MAP2: variants seen among roughly 807,000 people sequenced by gnomAD.
The protein encoded by MAP2 is microtubule associated protein 2.
Under a neutral mutation model 137.6 loss-of-function variants are expected in MAP2, and 14 were observed. The observed-to-expected ratio is 0.10, with a 90% CI of 0.07 to 0.16. The LOEUF is 0.16. Among genes scored for constraint, MAP2 ranks in the 10% least tolerant of loss-of-function variants. The pLI, the probability that MAP2 is intolerant of heterozygous loss-of-function variation, is 1.00. For missense variants in MAP2, 2,088 were observed against 2,191.5 expected, an observed-to-expected ratio of 0.95 and a Z score of 0.94; for synonymous variants, 786 against 782.3, an observed-to-expected ratio of 1.00 and a Z score of -0.08.
chr2:209,590,788 G>T (rs1342143183), intron 3 of MAP2, among the ~76,000 whole-genome samples: 1 of 152,076 alleles, frequency 6.6e-6, no homozygotes, highest in Non-Finnish European at 1.5e-5. Context: ...CTGCTCTGGA[G>T]CATAACCAGA....
At chr2:209,484,434 G>A (rs1226526616) in intron 1 of MAP2, among the ~76,000 whole-genome samples, 1 of 152,166 alleles carries the variant, frequency 6.6e-6, no homozygotes, top group East Asian at 1.9e-4. Context: ...GCTCACGCCC[G>A]TAATCCCAGC....
At chr2:209,660,609 A>T (rs1369587744) in intron 5 of MAP2, among the ~76,000 whole-genome samples, 1 of 147,588 alleles carries the variant, frequency 6.8e-6, no homozygotes, top group Admixed American at 6.8e-5. Flanking sequence ...GTTAGCCAGG[A>T]TGGTCTCTAT....
intron 3 of MAP2, among the ~76,000 whole-genome samples, chr2:209,586,350 G>A (rs1450721707): frequency 6.6e-6 from 1 of 152,098 alleles, no homozygotes; most frequent in Admixed American, 6.6e-5. Flanking sequence ...GGCTTGGCAT[G>A]CAAAATGTAG....
At chr2:209,491,365 C>G (rs1172990996) in intron 1 of MAP2, among the ~76,000 whole-genome samples, 1 of 151,984 alleles carries the variant, frequency 6.6e-6, no homozygotes, top group Non-Finnish European at 1.5e-5. Context: ...AAATTGACAT[C>G]CTAACATCAC....
intron 1 of MAP2, among the ~76,000 whole-genome samples, chr2:209,437,576 G>A (rs1247763470): frequency 6.6e-6 from 1 of 151,542 alleles, no homozygotes; most frequent in Admixed American, 6.6e-5. Flanking sequence ...AATTTTAACT[G>A]TCCTATTAAA....
At chr2:209,588,116 G>C (rs2078238780) in intron 3 of MAP2, among the ~76,000 whole-genome samples, 1 of 152,188 alleles carries the variant, frequency 6.6e-6, no homozygotes, top group African/African-American at 2.4e-5. Context: ...ACATGGGTGT[G>C]TGTATGTGTC....
intron 3 of MAP2, among the ~76,000 whole-genome samples, chr2:209,595,533 T>C (rs2081017276): frequency 6.6e-6 from 1 of 152,196 alleles, no homozygotes; most frequent in Non-Finnish European, 1.5e-5. Flanking sequence ...GTTCAACCAT[T>C]GTGGAAGACA....
intron 3 of MAP2, among the ~76,000 whole-genome samples, chr2:209,586,633 A>C (rs186831125): frequency 5.9e-4 from 90 of 152,286 alleles, no homozygotes; most frequent in African/African-American, 2.0e-3. Context: ...GTAAGAGTAG[A>C]TGCTAAGAGA....
In MAP2 at chr2:209,426,054, G is replaced by A. The variant is rs551121008; in HGVS notation, c.-222+1778G>A. Among the ~76,000 whole-genome samples the A allele has an allele frequency of 6.0e-4, 91 of 152,226 alleles. 1 individual carries two copies. The highest frequency in any genetic ancestry group is 2.1e-3 in the African/African-American group (86 of 41,558). The stretch of plus-strand genomic sequence containing the variant: ...ATTATATTTGTGTGTGTATGTTTAT[G>A]TTGATTTCCTGGTAATTTCATCTGA... On this transcript the variant is annotated intron_variant, in intron 1 of 15. Coordinates refer to ENST00000682079, the MANE Select transcript of MAP2 (RefSeq NM_001375505.1).
chr2:209,450,100 G>A (rs1468419630), intron 1 of MAP2, among the ~76,000 whole-genome samples: 3 of 151,884 alleles, frequency 2.0e-5, no homozygotes, highest in African/African-American at 7.2e-5. Flanking sequence ...TACCACCACG[G>A]CCAGCAAATT....
intron 13 of MAP2, among the ~76,000 whole-genome samples, chr2:209,722,783 A>G (rs548171794): frequency 1.3e-5 from 2 of 152,316 alleles, no homozygotes; most frequent in Non-Finnish European, 2.9e-5. Context: ...ACTTCCCAAA[A>G]ATAGAAATAA....
chr2:209,633,472 A>G (rs1001982172), intron 4 of MAP2, among the ~76,000 whole-genome samples: 3 of 152,220 alleles, frequency 2.0e-5, no homozygotes, highest in African/African-American at 4.8e-5. Flanking sequence ...AAACAAAACA[A>G]TACTTAATAA....
intron 2 of MAP2, among the ~76,000 whole-genome samples, chr2:209,556,436 A>G (rs967187050): frequency 1.6e-4 from 24 of 152,088 alleles, no homozygotes; most frequent in Non-Finnish European, 1.2e-4. Context: ...CCTCAGTTTC[A>G]TTATCTCTGA....
chr2:209,602,228 G>A (rs1299097014), intron 3 of MAP2, among the ~76,000 whole-genome samples: 2 of 152,110 alleles, frequency 1.3e-5, no homozygotes, highest in African/African-American at 4.8e-5. Flanking sequence ...CAGTCAAAAA[G>A]AAAACAGTTG....
chr2:209,538,630 A>G (rs2066379972), intron 2 of MAP2, among the ~76,000 whole-genome samples: 1 of 151,644 alleles, frequency 6.6e-6, no homozygotes, highest in African/African-American at 2.4e-5. Context: ...ATTGGAAAAG[A>G]TGAAGGCTAG....
chr2:209,435,990 T>TAA (rs1559159420), intron 1 of MAP2, among the ~76,000 whole-genome samples: 8 of 87,974 alleles, frequency 9.1e-5, no homozygotes, highest in Non-Finnish European at 8.1e-5. Flanking sequence ...ACAGTATATA[T>TAA]TATATACTAT....
intron 1 of MAP2, among the ~76,000 whole-genome samples, chr2:209,477,240 A>C (rs183402655): frequency 1.3e-5 from 2 of 152,290 alleles, no homozygotes; most frequent in African/African-American, 4.8e-5. Context: ...TAACGATGGA[A>C]TTGGGGAAGC....
At position 209,692,735 on chromosome 2, in the gene MAP2, G is replaced by C; in HGVS notation, c.565G>C (p.Gly189Arg). 6.2e-7 allele frequency: 1 copy of C among 1,614,046 alleles called. No homozygotes were observed. The highest frequency in any genetic ancestry group is 1.1e-5 in the South Asian group (1 of 91,074). ...EKESEKQSKP[G>R]EDLKHAALVS... is the part of the protein sequence containing the mutation. The stretch of plus-strand genomic sequence containing the variant: ...GGAGTCAGAGAAGCAAAGTAAGCCT[G>C]GTGAAGACCTTAAACATGCTGCCTT... Residue 189 changes from glycine (G) to arginine (R), a missense_variant, in exon 8 of 16, where the codon GGT becomes CGT. Coordinates refer to ENST00000682079, the MANE Select transcript of MAP2 (RefSeq NM_001375505.1).
intron 2 of MAP2, among the ~76,000 whole-genome samples, chr2:209,550,669 A>G (rs1404551279): frequency 1.3e-5 from 2 of 152,164 alleles, no homozygotes; most frequent in East Asian, 3.8e-4. Flanking sequence ...TGATTAATAA[A>G]TAATCAAGAT....
Sources: gnomAD v4.1 joint callset for allele counts (sites outside exome capture counted in the v4.1 genomes callset) on GRCh38, gnomAD v4.1.1 for gene constraint, MANE v1.5 for transcripts, NCBI Gene and HGNC (gene_info 2026-07-23, HGNC 2026-07-21) for gene names.